ADAMTS20: variants seen among roughly 807,000 people sequenced by gnomAD.
ADAMTS20 encodes the protein ADAM metallopeptidase with thrombospondin type 1 motif 20.
In ADAMTS20, 225 loss-of-function variants were observed where a neutral mutation model predicts 260.1. That is an observed-to-expected ratio of 0.87 (90% CI 0.78 to 0.97). ADAMTS20 has a LOEUF of 0.97. Ranked by LOEUF, ADAMTS20 falls within the 50% of genes least tolerant of loss-of-function variation. The probability of loss-of-function intolerance (pLI) is 0.00; values close to 1 mark genes in which losing one functional copy is unlikely to be tolerated. For synonymous variants in ADAMTS20, 802 were observed against 769.5 expected (o/e 1.04, Z -0.70); for missense variants, 2,400 against 2,337.7 (o/e 1.03, Z -0.55).
chr12:43,364,627 T>C (rs540568082), intron 37 of ADAMTS20, among the ~76,000 whole-genome samples: 1 of 152,156 alleles, frequency 6.6e-6, no homozygotes, highest in East Asian at 1.9e-4. Flanking sequence ...CTGGAGCTAG[T>C]AGAATTCGCA....
chr12:43,476,064 A>C (rs1396700537), intron 7 of ADAMTS20, among the ~76,000 whole-genome samples: 1 of 114,752 alleles, frequency 8.7e-6, no homozygotes, highest in Admixed American at 9.8e-5. Context: ...GGCAACCTAC[A>C]ACATGGGAGA....
At position 43,369,395 on chromosome 12, in the gene ADAMTS20, A is replaced by G. The variant is rs1940058314; in HGVS notation, c.5447-14T>C. The G allele has an allele frequency of 2.8e-6, 4 of 1,452,940 alleles. No homozygotes were observed. Among genetic ancestry groups the G allele is most frequent in the Non-Finnish European group, 3.7e-6 (4 of 1,092,686 alleles). 90.0% of individuals were successfully genotyped at this position (1,452,940 alleles called of 1,614,324 possible). On this transcript the variant is annotated splice_polypyrimidine_tract_variant and intron_variant, in intron 36 of 38. Coordinates refer to ENST00000389420, the MANE Select transcript of ADAMTS20 (RefSeq NM_025003.5). ...GAAGGTCCGTAGCTAGAAAATAATA[A>G]ATAAAACTCTTTAGCATGGAGACAA...
At chr12:43,539,340 T>C (rs989435158) in intron 2 of ADAMTS20, among the ~76,000 whole-genome samples, 31 of 152,174 alleles carry the variant, frequency 2.0e-4, no homozygotes, top group Non-Finnish European at 2.9e-5. Flanking sequence ...AAAAGTAAAA[T>C]GTTTAGACAC....
At chr12:43,406,151 T>A (rs899857405) in intron 28 of ADAMTS20, among the ~76,000 whole-genome samples, 1 of 152,200 alleles carries the variant, frequency 6.6e-6, no homozygotes, top group Non-Finnish European at 1.5e-5. Context: ...GTGGTTTTTC[T>A]TTAAACATCC....
chr12:43,534,589 T>A (rs962585607), intron 2 of ADAMTS20, among the ~76,000 whole-genome samples: 1 of 152,040 alleles, frequency 6.6e-6, no homozygotes, highest in Admixed American at 6.6e-5. Flanking sequence ...ATTGATAGAG[T>A]CTGTTTACAT....
chr12:43,478,428 A>G (rs1487712757), intron 7 of ADAMTS20, among the ~76,000 whole-genome samples: 2 of 152,110 alleles, frequency 1.3e-5, no homozygotes, highest in African/African-American at 4.8e-5. Flanking sequence ...GATGTAGTAG[A>G]ATCCCACGGT....
chr12:43,551,711 G>C lies in ADAMTS20; in HGVS notation c.91+120C>G. The C allele has an allele frequency of 9.6e-7, 1 of 1,037,570 alleles. No individual in the cohort carries two copies. The highest frequency in any genetic ancestry group is 1.4e-5 in the South Asian group (1 of 70,628). The allele number at this position is 1,037,570 out of a possible 1,614,324, so 64.3% of individuals were successfully genotyped here. On this transcript the variant is annotated intron_variant, in intron 1 of 38. Transcript: ENST00000389420. This position sits in a 1 kb window ranked among gnomAD's most constrained non-coding sequence, Gnocchi z 4.6. ...CCGGCTGACTGGTCCGGGAGTCCCG[G>C]GAGCTCCAGCAGGGCCAGCGTTCCC...
At chr12:43,448,712 T>A (rs886171883) in intron 14 of ADAMTS20, among the ~76,000 whole-genome samples, 2 of 151,942 alleles carry the variant, frequency 1.3e-5, no homozygotes, top group African/African-American at 2.4e-5. Flanking sequence ...ATCTACAGAA[T>A]GGGGGAAAAT....
intron 4 of ADAMTS20, among the ~76,000 whole-genome samples, chr12:43,501,549 C>A (rs1312245999): frequency 1.3e-5 from 2 of 150,998 alleles, no homozygotes; most frequent in African/African-American, 2.4e-5. Context: ...TGACACCCTT[C>A]ACTAGCTCTA....
At chr12:43,456,065 G>A (rs547978163) in intron 11 of ADAMTS20, among the ~76,000 whole-genome samples, 3 of 152,170 alleles carry the variant, frequency 2.0e-5, no homozygotes, top group East Asian at 1.9e-4. Flanking sequence ...ATGATAATTC[G>A]ATTAATAATT....
intron 4 of ADAMTS20, among the ~76,000 whole-genome samples, chr12:43,494,119 G>T (rs1942644401): frequency 6.6e-6 from 1 of 152,138 alleles, no homozygotes; most frequent in African/African-American, 2.4e-5. Context: ...TCTGGATCTG[G>T]GCTACCTGTG....
chr12:43,446,515 G>T, intron 15 of ADAMTS20, 80 bp downstream of exon 15: 1 of 1,071,174 alleles, frequency 9.3e-7, no homozygotes, highest in East Asian at 2.5e-5. Context: ...CAGTAACAAA[G>T]AATTACTGTT....
chr12:43,425,343 G>A (rs1941311370), intron 28 of ADAMTS20, among the ~76,000 whole-genome samples, 171 bp downstream of exon 28: 1 of 152,146 alleles, frequency 6.6e-6, no homozygotes, highest in Non-Finnish European at 1.5e-5. Flanking sequence ...GGGATCATCT[G>A]TGCAGCGAAC....
intron 27 of ADAMTS20, among the ~76,000 whole-genome samples, chr12:43,426,859 T>C (rs1355150036): frequency 6.6e-6 from 1 of 152,216 alleles, no homozygotes; most frequent in Non-Finnish European, 1.5e-5. Flanking sequence ...ATGCATTTTT[T>C]AAATCATGAA....
At position 43,356,509 on chromosome 12, in the gene ADAMTS20, G is replaced by A; in HGVS notation, c.5618C>T (p.Thr1873Ile). The A allele has an allele frequency of 6.2e-7, 1 of 1,609,332 alleles. No individual in the cohort carries two copies. The highest frequency in any genetic ancestry group is 8.5e-7 in the Non-Finnish European group (1 of 1,177,678). The change falls in exon 38 of 39, where the codon ACC (threonine) becomes ATC (isoleucine). Residue 1873 changes from threonine to isoleucine, a missense_variant. Coordinates refer to ENST00000389420, the MANE Select transcript of ADAMTS20 (RefSeq NM_025003.5). ...CTCTGATCTTCGTATGCTGACAGAG[G>A]TATAACTCCCCTGAGTGAGCCACTT... ...TAKWLTQGSY[T>I]SVSIRRSEDG... is the part of the protein sequence containing the mutation.
chr12:43,395,165 C>A (rs1156600122), intron 29 of ADAMTS20, among the ~76,000 whole-genome samples: 1 of 152,040 alleles, frequency 6.6e-6, no homozygotes, highest in Non-Finnish European at 1.5e-5. Flanking sequence ...AATTAGGAAG[C>A]AAAGTTTAAC....
At chr12:43,402,509 T>C (rs1940829599) in intron 28 of ADAMTS20, among the ~76,000 whole-genome samples, 1 of 152,062 alleles carries the variant, frequency 6.6e-6, no homozygotes, top group Non-Finnish European at 1.5e-5. Context: ...GAATTCCATC[T>C]GGGAATTTCT....
intron 8 of ADAMTS20, among the ~76,000 whole-genome samples, chr12:43,467,871 C>A (rs1942183856): frequency 6.6e-6 from 1 of 152,068 alleles, no homozygotes; most frequent in Non-Finnish European, 1.5e-5. Context: ...TAAATGTGGT[C>A]AAACTAACAG....
chr12:43,496,628 A>G (rs767047914), intron 4 of ADAMTS20, among the ~76,000 whole-genome samples: 11 of 151,790 alleles, frequency 7.2e-5, no homozygotes, highest in Non-Finnish European at 1.5e-4. Flanking sequence ...AAATGAGTTG[A>G]TTTTTTTTGT....
Sources: gnomAD v4.1 joint callset for allele counts (sites outside exome capture counted in the v4.1 genomes callset) on GRCh38, gnomAD v4.1.1 for gene constraint, Gnocchi (gnomAD v3.1) non-coding constraint, MANE v1.5 for transcripts, NCBI Gene and HGNC (gene_info 2026-07-23, HGNC 2026-07-21) for gene names.